The following SCAP variants were observed in gnomAD, a reference collection of about 807,000 sequenced individuals.
SCAP encodes the protein sterol regulatory element-binding protein cleavage-activating protein.
Under a neutral mutation model 123.6 loss-of-function variants are expected in SCAP, and 65 were observed. That is an observed-to-expected ratio of 0.53 (90% CI 0.43 to 0.65). The LOEUF (loss-of-function observed/expected upper bound fraction) is 0.65, where lower values mean the gene tolerates loss of function less well. Among genes scored for constraint, SCAP ranks in the 30% least tolerant of loss-of-function variants. SCAP has a pLI of 0.00. For missense variants in SCAP, 1,398 were observed against 1,712.5 expected (o/e 0.82, Z 3.24); for synonymous variants, 740 against 726.3 (o/e 1.02, Z -0.30).
intron 1 of SCAP, among the ~76,000 whole-genome samples, chr3:47,457,270 A>G (rs887189579): frequency 6.6e-6 from 1 of 152,174 alleles, no homozygotes; most frequent in Non-Finnish European, 1.5e-5. Context: ...ATTTTGTGTC[A>G]TGTAAATGTA....
chr3:47,429,897 C>T (rs1210250487), intron 3 of SCAP, among the ~76,000 whole-genome samples: 4 of 152,198 alleles, frequency 2.6e-5, no homozygotes, highest in African/African-American at 9.7e-5. Context: ...TGTAACCTGT[C>T]TTACTGATTC....
intron 6 of SCAP, among the ~76,000 whole-genome samples, chr3:47,426,611 G>T (rs2107820479): frequency 6.6e-6 from 1 of 152,042 alleles, no homozygotes; most frequent in East Asian, 1.9e-4. Flanking sequence ...CTAATTTTTT[G>T]TATTTTTAGT....
chr3:47,418,626 T>TTGA, intron 14 of SCAP, 29 bp downstream of exon 14: 1 of 1,459,578 alleles, frequency 6.9e-7, no homozygotes, highest in Non-Finnish European at 9.5e-7. Context: ...CCGCACTCTT[T>TTGA]CCCACCCCAC....
intron 1 of SCAP, among the ~76,000 whole-genome samples, chr3:47,474,770 C>G (rs1708203315): frequency 6.6e-6 from 1 of 152,172 alleles, no homozygotes. Context: ...GCACTCCAGC[C>G]TGGGAGACAG....
chr3:47,456,378 G>A (rs1707424763), intron 1 of SCAP, among the ~76,000 whole-genome samples: 1 of 151,804 alleles, frequency 6.6e-6, no homozygotes, highest in African/African-American at 2.4e-5. Context: ...GCTCCAGTAT[G>A]GGCAACAGAA....
At chr3:47,422,322 C>A (rs1705938055) in intron 10 of SCAP, 120 bp downstream of exon 10, 2 of 820,920 alleles carry the variant, frequency 2.4e-6, no homozygotes, top group South Asian at 3.5e-5. Context: ...GCAAAGAGGT[C>A]CCACCTCAGA....
chr3:47,425,545 G>A lies in SCAP; in HGVS notation c.977C>T (p.Ser326Leu), dbSNP rs758370220. The change falls in exon 8 of 23, where the codon TCG (serine) becomes TTG (leucine). Residue 326 changes from serine to leucine, a missense_variant. This residue lies in a region of SCAP where 319 missense variants were observed against 432.4 expected (regional missense o/e 0.74). Transcript: ENST00000265565. ...ALAAVVTVLS[S>L]LLMSVGLCTL... The stretch of plus-strand genomic sequence containing the variant: ...GCAGAGTCCCACAGACATGAGCAGC[G>A]AGCTGAGCACTGTGACCACGGCAGC... 3.1e-6 allele frequency: 5 copies of A among 1,613,986 alleles called. No homozygotes were observed. Among genetic ancestry groups the A allele is most frequent in the African/African-American group, 1.3e-5 (1 of 74,942 alleles).
At chr3:47,431,391 G>A (rs1268963952) in intron 3 of SCAP, among the ~76,000 whole-genome samples, 2 of 104,002 alleles carry the variant, frequency 1.9e-5, no homozygotes, top group African/African-American at 6.6e-5. Context: ...AAAGTCCACA[G>A]TGAAATTCTT....
intron 1 of SCAP, among the ~76,000 whole-genome samples, chr3:47,468,054 T>C (rs1215549595): frequency 6.6e-6 from 1 of 152,138 alleles, no homozygotes; most frequent in Non-Finnish European, 1.5e-5. Context: ...TGAACTCACC[T>C]TTTTTTATGG....
At chr3:47,470,154 G>T (rs1421437376) in intron 1 of SCAP, among the ~76,000 whole-genome samples, 1 of 152,124 alleles carries the variant, frequency 6.6e-6, no homozygotes, top group African/African-American at 2.4e-5. Flanking sequence ...CTTACAACAG[G>T]GGATCAAGAG....
intron 4 of SCAP, among the ~76,000 whole-genome samples, chr3:47,428,266 G>A (rs1706223521): frequency 6.6e-6 from 1 of 152,158 alleles, no homozygotes; most frequent in African/African-American, 2.4e-5. Flanking sequence ...AGTGGACACT[G>A]ACTCCATCTG....
At position 47,415,162 on chromosome 3, in the gene SCAP, G is replaced by T. The variant is rs760685789; in HGVS notation, c.3075C>A (p.Leu1025=). Residue 1025 remains leucine, a synonymous_variant, in exon 19 of 23, where the codon CTC becomes CTA. Transcript: ENST00000265565. ...AGGAGAAGAAATCAAGGGAACCGTT[G>T]AGCCGTGCAGCCACAATCCTGGAAG... ...FLDKRIVAAR[L]NGSLDFFSLE... The T allele has an allele frequency of 6.2e-7, 1 of 1,612,144 alleles. No individual in the cohort carries two copies.
intron 1 of SCAP, among the ~76,000 whole-genome samples, chr3:47,443,579 TGAA>T (rs1156253646): frequency 1.3e-5 from 2 of 152,156 alleles, no homozygotes; most frequent in African/African-American, 2.4e-5. Context: ...GATTCACTCG[TGAA>T]GAAGGTCTAG....
chr3:47,439,744 A>G lies in SCAP; in HGVS notation c.122+3128T>C, dbSNP rs1031073972. Among the ~76,000 whole-genome samples the G allele has an allele frequency of 1.3e-5, 2 of 152,188 alleles. No homozygotes were observed. The highest frequency in any genetic ancestry group is 2.9e-5 in the Non-Finnish European group (2 of 68,036). ...GCTACACATTTCATCAGATTTTCCCAGAGGAAAGAACAGTCACTGCACCCA... is the reference window on the plus strand; with the variant it reads ...GCTACACATTTCATCAGATTTTCCCGGAGGAAAGAACAGTCACTGCACCCA... On this transcript the variant is annotated intron_variant, in intron 2 of 22. Transcript: ENST00000265565. The surrounding 1 kb of genome is among the most constrained non-coding windows in gnomAD (Gnocchi z 4.0).
intron 1 of SCAP, among the ~76,000 whole-genome samples, chr3:47,454,200 T>C (rs1707326464): frequency 6.6e-6 from 1 of 151,816 alleles, no homozygotes; most frequent in African/African-American, 2.4e-5. Context: ...ACCCTGTCTC[T>C]ACTAAAAATA....
upstream of SCAP, among the ~76,000 whole-genome samples, chr3:47,476,518 A>T (rs536540265): frequency 6.6e-6 from 1 of 152,346 alleles, no homozygotes; most frequent in South Asian, 2.1e-4. Context: ...GATGAGAAGA[A>T]TAAATAATGT....
rs1344618628 is a variant in SCAP at position 47,420,131 on chromosome 3, G to A, written c.1563+423C>T. On this transcript the variant is annotated intron_variant, in intron 12 of 22. Transcript: ENST00000265565. The surrounding 1 kb of genome is among the most constrained non-coding windows in gnomAD (Gnocchi z 5.0). ...TCCTCCCATCTCAGTTCAGCTCCCT[G>A]GAAGAGGCACTGCTGCCCCAAGGCC... is the stretch of plus-strand genomic sequence containing the variant. Among the ~76,000 whole-genome samples, 2 of 152,194 alleles carry A rather than the reference G, an allele frequency of 1.3e-5. No homozygotes were observed. The highest frequency in any genetic ancestry group is 2.9e-5 in the Non-Finnish European group (2 of 68,020).
At chr3:47,418,991 AGGTC>A in intron 13 of SCAP, 148 bp from the exon 14 acceptor site, 2 of 923,618 alleles carry the variant, frequency 2.2e-6, no homozygotes, top group Non-Finnish European at 3.1e-6. Flanking sequence ...GGACAGAGGT[AGGTC>A]CCTCCCCAGC....
In SCAP at chr3:47,417,416, G is replaced by C; in HGVS notation, c.2858C>G (p.Pro953Arg). Residue 953 changes from proline to arginine, a missense_variant, in exon 17 of 23, where the codon CCC (proline) becomes CGC (arginine). By Grantham distance (103) the Pro-to-Arg change is moderately radical (BLOSUM62 -2). Transcript: ENST00000265565. ...GGCGAGGGAAGGGGAGCCTTTCTCGGGGGAGCCACCCTCGTCCTCAGGGGC... is the reference window on the plus strand; with the variant it reads ...GGCGAGGGAAGGGGAGCCTTTCTCGCGGGAGCCACCCTCGTCCTCAGGGGC... Reference protein sequence around the residue: ...SQAPEDEGGSPEKGSPSLAWA... With the variant: ...SQAPEDEGGSREKGSPSLAWA... 1 of 1,571,054 alleles carries C rather than the reference G, an allele frequency of 6.4e-7. No individual in the cohort carries two copies. The highest frequency in any genetic ancestry group is 2.4e-5 in the East Asian group (1 of 41,874).
Sources: allele counts gnomAD v4.1 joint callset (sites outside exome capture counted in the v4.1 genomes callset), GRCh38; gene constraint gnomAD v4.1.1; regional missense constraint gnomAD v4.1.1; non-coding constraint Gnocchi (gnomAD v3.1); transcripts MANE v1.5; gene names NCBI Gene and HGNC (gene_info 2026-07-23, HGNC 2026-07-21).